The following EIF4G3 variants were observed in gnomAD, a reference collection of about 807,000 sequenced individuals.
The protein encoded by EIF4G3 is eukaryotic translation initiation factor 4 gamma 3, also known as eIF-4-gamma 3.
Under a neutral mutation model 186.4 loss-of-function variants are expected in EIF4G3, and 34 were observed. The ratio of observed to expected loss-of-function variants is 0.18; its 90% confidence interval spans 0.14 to 0.24. EIF4G3 has a LOEUF of 0.24. Ranked by LOEUF, EIF4G3 falls within the 10% of genes least tolerant of loss-of-function variation. The pLI is 1.00. For synonymous variants in EIF4G3, 673 were observed against 679.5 expected (o/e 0.99, Z 0.15); for missense variants, 1,536 against 1,948.5 (o/e 0.79, Z 3.99).
chr1:20,985,553 T>C (rs2079292856), intron 7 of EIF4G3, among the ~76,000 whole-genome samples: 1 of 152,058 alleles, frequency 6.6e-6, no homozygotes, highest in South Asian at 2.1e-4. Flanking sequence ...TTGTACTCCT[T>C]CCAAACCATT....
In EIF4G3 at chr1:20,806,538, T is replaced by C. The variant is rs922954131; in HGVS notation, c.*781A>G. On this transcript the variant is annotated 3_prime_UTR_variant, in exon 37 of 37. Transcript: ENST00000602326. ...TTTATATTTTCAAAGTGAAAAGAAA[T>C]AGTACTGAGTCAATTTCTTTTTGTT... The C allele has an allele frequency of 6.6e-6, 1 of 152,600 alleles. No homozygotes were observed. Among genetic ancestry groups the C allele is most frequent in the African/African-American group, 2.4e-5 (1 of 41,446 alleles). 9.5% of individuals were successfully genotyped at this position (152,600 alleles called of 1,614,324 possible).
chr1:20,819,768 A>G (rs2061859974), intron 33 of EIF4G3, among the ~76,000 whole-genome samples: 1 of 152,160 alleles, frequency 6.6e-6, no homozygotes, highest in African/African-American at 2.4e-5. Flanking sequence ...AATAATCTGT[A>G]AAGCAAACCC....
intron 4 of EIF4G3, among the ~76,000 whole-genome samples, chr1:21,023,198 A>G (rs1304411992): frequency 6.6e-6 from 1 of 150,766 alleles, no homozygotes. Flanking sequence ...AGTAAAAATG[A>G]CATAGAAAGT....
chr1:20,961,720 T>A (rs2096574076), intron 12 of EIF4G3, among the ~76,000 whole-genome samples: 1 of 152,194 alleles, frequency 6.6e-6, no homozygotes, highest in African/African-American at 2.4e-5. Flanking sequence ...AAATGTCCCA[T>A]TTAAAAACTT....
chr1:21,021,323 A>G (rs576385564), intron 4 of EIF4G3, among the ~76,000 whole-genome samples: 3 of 152,222 alleles, frequency 2.0e-5, no homozygotes, highest in African/African-American at 7.2e-5. Context: ...TTCCCTTTTG[A>G]AATAATCTCT....
intron 2 of EIF4G3, among the ~76,000 whole-genome samples, chr1:21,089,775 A>T (rs1477367954): frequency 1.3e-5 from 2 of 151,912 alleles, no homozygotes; most frequent in African/African-American, 4.8e-5. Flanking sequence ...TAAATAAATC[A>T]GCATGAGACA....
chr1:21,094,125 A>T lies in EIF4G3; in HGVS notation c.-271-4912T>A, dbSNP rs368521384. Among the ~76,000 whole-genome samples, 551 of 150,684 alleles carry T rather than the reference A, an allele frequency of 3.7e-3. 6 individuals carry two copies. The highest frequency in any genetic ancestry group is 0.03 in the South Asian group (142 of 4,770). ...ATAAAAAAAATTTTTTTTTTTTTTTAAAAAAAGCCAGGATTTCCTTAGGAA... is the reference window on the plus strand; with the variant it reads ...ATAAAAAAAATTTTTTTTTTTTTTTTAAAAAAGCCAGGATTTCCTTAGGAA... On this transcript the variant is annotated intron_variant, in intron 2 of 36. Transcript: ENST00000602326.
At chr1:21,153,529 G>A (rs982672102) in intron 2 of EIF4G3, among the ~76,000 whole-genome samples, 5 of 152,134 alleles carry the variant, frequency 3.3e-5, no homozygotes, top group Non-Finnish European at 7.4e-5. Flanking sequence ...TGAGTCAGCA[G>A]GTACAGCAAT....
At chr1:21,062,668 C>T (rs978496952) in intron 3 of EIF4G3, among the ~76,000 whole-genome samples, 4 of 152,162 alleles carry the variant, frequency 2.6e-5, no homozygotes, top group Non-Finnish European at 4.4e-5. Context: ...TGGCTCACTG[C>T]AACCACTGCC....
chr1:21,151,175 G>A (rs1387498941), intron 2 of EIF4G3, among the ~76,000 whole-genome samples: 1 of 147,050 alleles, frequency 6.8e-6, no homozygotes, highest in Non-Finnish European at 1.5e-5. Context: ...GAGAAAATGT[G>A]CACTTTTTTA....
At chr1:21,039,590 G>A (rs192256388) in intron 4 of EIF4G3, among the ~76,000 whole-genome samples, 117 of 152,310 alleles carry the variant, frequency 7.7e-4, no homozygotes, top group Admixed American at 3.3e-3. Context: ...TTGTATCCCA[G>A]AGACGGAAGC....
chr1:20,862,036 A>C (rs551202458), intron 23 of EIF4G3, among the ~76,000 whole-genome samples, 192 bp downstream of exon 23: 38 of 152,210 alleles, frequency 2.5e-4, no homozygotes, highest in East Asian at 1.4e-3. Flanking sequence ...TAAGGAGAAG[A>C]AGCACGTAAC....
intron 2 of EIF4G3, among the ~76,000 whole-genome samples, chr1:21,156,537 G>A (rs1558226948): frequency 6.6e-6 from 1 of 152,116 alleles, no homozygotes; most frequent in African/African-American, 2.4e-5. Flanking sequence ...GTCCTAAACT[G>A]AATTTATCTG....
intron 14 of EIF4G3, among the ~76,000 whole-genome samples, chr1:20,920,744 G>T (rs2154559803): frequency 1.3e-5 from 2 of 151,692 alleles, no homozygotes; most frequent in African/African-American, 4.8e-5. Flanking sequence ...GAGAGCTTGG[G>T]TTTTTTTTCC....
intron 4 of EIF4G3, among the ~76,000 whole-genome samples, chr1:21,045,688 A>C (rs530749726): frequency 6.6e-6 from 1 of 152,334 alleles, no homozygotes; most frequent in South Asian, 2.1e-4. Flanking sequence ...ACTTCGTGAA[A>C]ATTAACTAAG....
chr1:20,814,770 CCCCTCCCCCTCCCCCTCT>C (rs1557738310), intron 34 of EIF4G3, among the ~76,000 whole-genome samples: 14 of 43,466 alleles, frequency 3.2e-4, no homozygotes, highest in East Asian at 2.2e-3. Context: ...CCTCCCCCTC[CCCCTCCCCCTCCCCCTCT>C]CCCTCTCCCC....
intron 14 of EIF4G3, among the ~76,000 whole-genome samples, chr1:20,936,744 G>A (rs1340888766): frequency 6.6e-6 from 1 of 152,104 alleles, no homozygotes; most frequent in Non-Finnish European, 1.5e-5. Context: ...TAAAGCAAGG[G>A]TTGTTATTAA....
intron 14 of EIF4G3, among the ~76,000 whole-genome samples, chr1:20,926,705 T>C (rs1008482573): frequency 2.6e-5 from 4 of 151,758 alleles, no homozygotes; most frequent in Admixed American, 2.6e-4. Context: ...ACTACAATTT[T>C]TTCTTACCAG....
At chr1:20,980,567 A>G (rs565027433) in intron 9 of EIF4G3, 119 bp from the exon 10 acceptor site, 3 of 678,334 alleles carry the variant, frequency 4.4e-6, no homozygotes, top group East Asian at 6.6e-5. Context: ...TAAGAGAATC[A>G]TTTAAATGAG....
Sources: allele counts gnomAD v4.1 joint callset (sites outside exome capture counted in the v4.1 genomes callset), GRCh38; gene constraint gnomAD v4.1.1; transcripts MANE v1.5; gene names NCBI Gene and HGNC (gene_info 2026-07-23, HGNC 2026-07-21).